FAM184B: variants seen among roughly 807,000 people sequenced by gnomAD.
FAM184B encodes protein FAM184B.
Under a neutral mutation model 135.9 loss-of-function variants are expected in FAM184B, and 111 were observed. The ratio of observed to expected loss-of-function variants is 0.82; its 90% CI spans 0.70 to 0.96. The LOEUF (loss-of-function observed/expected upper bound fraction) is 0.96, where lower values mean the gene tolerates loss of function less well. Among genes scored for constraint, FAM184B ranks in the 40% least tolerant of loss-of-function variants. FAM184B has a pLI of 0.00. For synonymous variants in FAM184B, 552 were observed against 524.8 expected (o/e 1.05, Z -0.71); for missense variants, 1,375 against 1,323.9 (o/e 1.04, Z -0.60).
At chr4:17,725,254 T>A (rs542082803) in intron 1 of FAM184B, among the ~76,000 whole-genome samples, 14 of 152,090 alleles carry the variant, frequency 9.2e-5, no homozygotes, top group Non-Finnish European at 1.6e-4. Flanking sequence ...GGTAAGTGAA[T>A]GAGTGAATAA....
intron 6 of FAM184B, among the ~76,000 whole-genome samples, chr4:17,691,574 T>C (rs770644898): frequency 2.0e-5 from 3 of 150,828 alleles, no homozygotes; most frequent in Non-Finnish European, 2.9e-5. Context: ...TAATTCCAGC[T>C]AGTTGGGAGG....
In FAM184B at chr4:17,732,877, C is replaced by T. The variant is rs556267254; in HGVS notation, c.142-23233G>A. Among the ~76,000 whole-genome samples, 24 of 152,148 alleles carry T rather than the reference C, an allele frequency of 1.6e-4. No homozygotes were observed. The South Asian group carries it at 4.8e-3, about 30-fold the overall frequency. On this transcript the variant is annotated intron_variant, in intron 1 of 17. Coordinates refer to ENST00000265018, the MANE Select transcript of FAM184B (RefSeq NM_015688.2). ...CTGATACCAAAGCCTGGCAGAGACA[C>T]AACCAAAAAAGAGAATTTTAGACCA...
At position 17,708,898 on chromosome 4, in the gene FAM184B, C is replaced by T. The variant is rs1332688111; in HGVS notation, c.888G>A (p.Arg296=). 1 of 1,507,714 alleles carries T rather than the reference C, an allele frequency of 6.6e-7. No individual in the cohort carries two copies. The highest frequency in any genetic ancestry group is 8.9e-7 in the Non-Finnish European group (1 of 1,125,818). 93.4% of individuals were successfully genotyped at this position (1,507,714 alleles called of 1,614,324 possible). ...LKKYAQKLKE[R]IQDLDVQLKE... is the part of the protein sequence containing the mutation. The stretch of plus-strand genomic sequence containing the variant: ...AGAAGAGATGCTGCTTTACCTGAAT[C>T]CTCTCCTTCAGCTTCTGGGCGTACT... Residue 296 remains arginine, a synonymous_variant, in exon 2 of 18, where the codon AGG becomes AGA. Coordinates refer to ENST00000265018, the MANE Select transcript of FAM184B (RefSeq NM_015688.2).
At chr4:17,641,923 T>C in intron 13 of FAM184B, 133 bp downstream of exon 13, 1 of 1,303,712 alleles carries the variant, frequency 7.7e-7, no homozygotes. Context: ...CAGTGTCTAG[T>C]GTCTTGTGGG....
intron 14 of FAM184B, 52 bp from the exon 15 acceptor site, chr4:17,636,697 AAG>A: frequency 9.6e-6 from 13 of 1,356,138 alleles, no homozygotes; most frequent in African/African-American, 1.5e-5. Flanking sequence ...TTACTCAACA[AAG>A]AGGGAGAACA....
At chr4:17,652,093 G>A (rs1715633173) in intron 11 of FAM184B, among the ~76,000 whole-genome samples, 1 of 151,524 alleles carries the variant, frequency 6.6e-6, no homozygotes, top group Non-Finnish European at 1.5e-5. Flanking sequence ...CATTCACTGG[G>A]CTCCTGTTAT....
At position 17,660,027 on chromosome 4, in the gene FAM184B, C is replaced by T. The variant is rs894446541; in HGVS notation, c.1755G>A (p.Lys585=). 6.4e-6 allele frequency: 10 copies of T among 1,551,472 alleles called. No homozygotes were observed. In the African/African-American group the frequency reaches 1.2e-4, roughly 19 times the overall value. ...DPQPPLGSLL[K]EKTSKIQRLE... is the part of the protein sequence containing the mutation. Reference sequence around the variant, plus strand: ...GACGCTGGATTTTGGATGTTTTCTCCTTCAACAAAGAGCCCAGTGGAGGTT... The same window carrying T: ...GACGCTGGATTTTGGATGTTTTCTCTTTCAACAAAGAGCCCAGTGGAGGTT... Residue 585 remains lysine (K), a synonymous_variant, in exon 9 of 18, where the codon AAG becomes AAA. Coordinates refer to ENST00000265018, the MANE Select transcript of FAM184B (RefSeq NM_015688.2).
chr4:17,700,713 C>T (rs532218343), intron 5 of FAM184B, among the ~76,000 whole-genome samples: 1 of 152,224 alleles, frequency 6.6e-6, no homozygotes, highest in South Asian at 2.1e-4. Flanking sequence ...TACACATGAA[C>T]CATTCATCTA....
At chr4:17,636,187 C>T (rs904508412) in intron 15 of FAM184B, among the ~76,000 whole-genome samples, 1 of 152,130 alleles carries the variant, frequency 6.6e-6, no homozygotes, top group Non-Finnish European at 1.5e-5. Flanking sequence ...CTCACTGCAA[C>T]CTCTGTCTCT....
intron 8 of FAM184B, 84 bp from the exon 9 acceptor site, chr4:17,660,171 G>A (rs1715880639): frequency 2.7e-6 from 4 of 1,478,612 alleles, no homozygotes; most frequent in South Asian, 1.3e-5. Flanking sequence ...CAGCCACTGT[G>A]CCTGGGAGGA....
chr4:17,703,449 G>A (rs1717033442), intron 5 of FAM184B, among the ~76,000 whole-genome samples: 1 of 151,406 alleles, frequency 6.6e-6, no homozygotes, highest in African/African-American at 2.4e-5. Flanking sequence ...AGTGAGCCAT[G>A]ATCACACCAA....
chr4:17,668,210 G>A (rs1454827203), intron 7 of FAM184B, among the ~76,000 whole-genome samples: 18 of 152,274 alleles, frequency 1.2e-4, no homozygotes, highest in South Asian at 6.2e-4. Flanking sequence ...TCCTTCCAGC[G>A]GCCCGCCCTG....
intron 1 of FAM184B, among the ~76,000 whole-genome samples, chr4:17,775,408 G>A (rs745812243): frequency 3.3e-5 from 5 of 152,014 alleles, no homozygotes; most frequent in Non-Finnish European, 5.9e-5. Flanking sequence ...GATGGTCTCC[G>A]TCTCCTGACC....
chr4:17,683,868 G>A (rs907231437), intron 7 of FAM184B, among the ~76,000 whole-genome samples: 3 of 152,046 alleles, frequency 2.0e-5, no homozygotes, highest in Admixed American at 2.0e-4. Flanking sequence ...TTGAGCCCAG[G>A]AGTTTGAGAC....
intron 1 of FAM184B, among the ~76,000 whole-genome samples, chr4:17,718,395 C>T (rs185295781): frequency 5.7e-4 from 87 of 152,192 alleles, no homozygotes; most frequent in Middle Eastern, 3.4e-3. Flanking sequence ...TGCAGCATTT[C>T]CTATATGCCT....
chr4:17,647,446 T>G (rs1715499454), intron 12 of FAM184B, among the ~76,000 whole-genome samples, 191 bp downstream of exon 12: 1 of 152,016 alleles, frequency 6.6e-6, no homozygotes, highest in South Asian at 2.1e-4. Flanking sequence ...GATATAGTCT[T>G]GCTATGTTGC....
chr4:17,648,197 C>T (rs2108934609), intron 11 of FAM184B, among the ~76,000 whole-genome samples: 1 of 152,248 alleles, frequency 6.6e-6, no homozygotes, highest in African/African-American at 2.4e-5. Context: ...GTGTGGGCAG[C>T]ATGGCCTGAG....
chr4:17,721,518 A>C (rs2108972624), intron 1 of FAM184B, among the ~76,000 whole-genome samples: 1 of 152,212 alleles, frequency 6.6e-6, no homozygotes, highest in Non-Finnish European at 1.5e-5. Flanking sequence ...AATACTGATA[A>C]GGGAAGTACC....
chr4:17,632,043 AT>A lies in FAM184B; in HGVS notation c.*488del, dbSNP rs199549580. On this transcript the variant is annotated 3_prime_UTR_variant, in exon 18 of 18. Transcript: ENST00000265018. ...TTTTAATAACACTGGTTTAATGTCA[AT>A]TTTTTTTTTTTTTTTTTTTTTTTTT... 3 of 117,614 alleles carry A rather than the reference AT, an allele frequency of 2.6e-5. No individual in the cohort carries two copies. The highest frequency in any genetic ancestry group is 3.5e-5 in the Non-Finnish European group (2 of 56,564). The allele number at this position is 117,614 out of a possible 1,614,324, so 7.3% of individuals were successfully genotyped here. A position where few individuals can be genotyped will look rare whatever the true frequency, so the allele number is the denominator to read the frequency against.
Sources: allele counts gnomAD v4.1 joint callset (sites outside exome capture counted in the v4.1 genomes callset), GRCh38; gene constraint gnomAD v4.1.1; transcripts MANE v1.5; gene names NCBI Gene and HGNC (gene_info 2026-07-23, HGNC 2026-07-21).